The following OSTC variants were observed in gnomAD, a reference collection of about 807,000 sequenced individuals.
The protein encoded by OSTC is oligosaccharyltransferase complex non-catalytic subunit.
OSTC carries 16 observed loss-of-function variants against 16.4 expected under a neutral mutation model. The ratio of observed to expected loss-of-function variants is 0.98; its 90% CI spans 0.66 to 1.49. The LOEUF (loss-of-function observed/expected upper bound fraction) is 1.49, where lower values mean the gene tolerates loss of function less well. Ranked by LOEUF, OSTC falls within the 40% of genes most tolerant of loss-of-function variation. The probability of loss-of-function intolerance (pLI) is 0.00; values close to 1 mark genes in which losing one functional copy is unlikely to be tolerated. For synonymous variants in OSTC, 67 were observed against 68.5 expected (o/e 0.98, Z 0.11); for missense variants, 139 against 186.3 (o/e 0.75, Z 1.48).
intron 1 of OSTC, 25 bp downstream of exon 1, chr4:108,650,819 A>C (rs760979767): frequency 6.2e-7 from 1 of 1,613,674 alleles, no homozygotes; most frequent in Non-Finnish European, 8.5e-7. Flanking sequence ...CGGGCCCGAG[A>C]GGCTGAGGAG....
At chr4:108,660,844 A>G (rs929219910) in intron 3 of OSTC, among the ~76,000 whole-genome samples, 2 of 152,194 alleles carry the variant, frequency 1.3e-5, no homozygotes, top group Admixed American at 6.5e-5. Context: ...GAAAGACCTG[A>G]TGTTTCCCCT....
At chr4:108,651,169 T>C (rs1423844633) in intron 1 of OSTC, 1 of 221,344 alleles carries the variant, frequency 4.5e-6, no homozygotes, top group Non-Finnish European at 9.2e-6. Flanking sequence ...GTTGGTTGTT[T>C]GATAAAGGTC....
chr4:108,653,264 A>G (rs1726603716), intron 1 of OSTC, among the ~76,000 whole-genome samples: 1 of 152,230 alleles, frequency 6.6e-6, no homozygotes, highest in South Asian at 2.1e-4. Context: ...GGTTATAAAT[A>G]CAGTGAAAGA....
chr4:108,661,764 AT>A (rs1383173361), intron 3 of OSTC, among the ~76,000 whole-genome samples: 1 of 152,010 alleles, frequency 6.6e-6, no homozygotes, highest in Non-Finnish European at 1.5e-5. Context: ...TGCCAGGCTA[AT>A]TTTTGTATTT....
At chr4:108,657,139 T>A (rs1269302273) in intron 2 of OSTC, among the ~76,000 whole-genome samples, 1 of 152,146 alleles carries the variant, frequency 6.6e-6, no homozygotes, top group Non-Finnish European at 1.5e-5. Context: ...TTATTTTACA[T>A]AAACAGTTGT....
chr4:108,665,182 A>G (rs926950110), intron 3 of OSTC, among the ~76,000 whole-genome samples: 2 of 152,210 alleles, frequency 1.3e-5, no homozygotes, highest in African/African-American at 2.4e-5. Flanking sequence ...CAGTATTGTC[A>G]AGTAGTTTTT....
intron 3 of OSTC, among the ~76,000 whole-genome samples, chr4:108,664,363 A>G (rs935093686): frequency 2.0e-5 from 3 of 152,126 alleles, no homozygotes; most frequent in African/African-American, 7.2e-5. Flanking sequence ...GTTACTCCTA[A>G]TGAGTCTTTA....
At chr4:108,657,948 G>A (rs1379754246) in intron 3 of OSTC, among the ~76,000 whole-genome samples, 1 of 34,968 alleles carries the variant, frequency 2.9e-5, no homozygotes, top group East Asian at 6.9e-4. Flanking sequence ...TTTTTTTTTT[G>A]AGACGGAGTT....
At chr4:108,662,914 T>C (rs1379188314) in intron 3 of OSTC, among the ~76,000 whole-genome samples, 1 of 152,160 alleles carries the variant, frequency 6.6e-6, no homozygotes, top group Non-Finnish European at 1.5e-5. Flanking sequence ...GAGGACAATG[T>C]GTAGTAGAGA....
intron 3 of OSTC, 122 bp from the exon 4 acceptor site, chr4:108,667,125 T>C: frequency 2.8e-6 from 2 of 723,138 alleles, no homozygotes; most frequent in Non-Finnish European, 4.5e-6. Context: ...CACGCAATTA[T>C]ATTTTTGGAT....
rs1458219881 is a variant in OSTC, at chr4:108,655,616, T to G, written c.192T>G (p.Asp64Glu). 5 of 1,610,386 alleles carry G rather than the reference T, an allele frequency of 3.1e-6. No individual in the cohort carries two copies. The highest frequency in any genetic ancestry group is 4.2e-6 in the Non-Finnish European group (5 of 1,176,806). ...CTCCAAGTGTCGGTTCTATGACTGA[T>G]GAACATGGGCATCAGAGGCCAGTAG... The part of the protein sequence containing the change: ...VEPPSVGSMT[D>E]EHGHQRPVAF... The change falls in exon 2 of 4, where the codon GAT becomes GAG. Residue 64 changes from aspartate (D) to glutamate (E), a missense_variant. Coordinates refer to ENST00000361564, the MANE Select transcript of OSTC (RefSeq NM_021227.4).
chr4:108,656,546 A>T (rs1300132454), intron 2 of OSTC, among the ~76,000 whole-genome samples: 1 of 150,902 alleles, frequency 6.6e-6, no homozygotes, highest in Non-Finnish European at 1.5e-5. Flanking sequence ...TCCTTGAACT[A>T]TGAGAATTTG....
In OSTC at chr4:108,661,414, C is replaced by T. The variant is rs575840871; in HGVS notation, c.431+3767C>T. Among the ~76,000 whole-genome samples the T allele has an allele frequency of 5.9e-5, 9 of 152,002 alleles. No individual in the cohort carries two copies. In the South Asian group the frequency reaches 8.3e-4, roughly 14 times the overall value. Reference sequence around the variant, plus strand: ...ATGTATGTGAAATCATGTATGTATGCGTCTGTATGTTCACTGCATTTTAAA... The same window carrying T: ...ATGTATGTGAAATCATGTATGTATGTGTCTGTATGTTCACTGCATTTTAAA... On this transcript the variant is annotated intron_variant, in intron 3 of 3. Transcript: ENST00000361564.
At chr4:108,657,423 T>C in intron 2 of OSTC, 27 bp from the exon 3 acceptor site, 2 of 1,570,946 alleles carry the variant, frequency 1.3e-6, no homozygotes, top group Non-Finnish European at 1.7e-6. Context: ...TTTGTTATCT[T>C]TCTATGGTCA....
At chr4:108,661,684 G>A (rs1242625894) in intron 3 of OSTC, among the ~76,000 whole-genome samples, 7 of 152,020 alleles carry the variant, frequency 4.6e-5, no homozygotes, top group South Asian at 4.1e-4. Context: ...TGCTACCTCC[G>A]CCTCCCAGGT....
chr4:108,665,750 G>T (rs775577225), intron 3 of OSTC, among the ~76,000 whole-genome samples: 5 of 151,684 alleles, frequency 3.3e-5, no homozygotes, highest in Admixed American at 6.6e-5. Context: ...AGTAGAGGTG[G>T]GTTTTCACCA....
chr4:108,667,312 A>G lies in OSTC; in HGVS notation c.*47A>G, dbSNP rs767742224. On this transcript the variant is annotated 3_prime_UTR_variant, in exon 4 of 4. Transcript: ENST00000361564. ...GTGGATACTGGATTTGCTCCTGTCAATGAAGTTTTAAAGGCTGTACCAATC... is the reference window on the plus strand; with the variant it reads ...GTGGATACTGGATTTGCTCCTGTCAGTGAAGTTTTAAAGGCTGTACCAATC... 5.1e-6 allele frequency: 8 copies of G among 1,559,480 alleles called. No homozygotes were observed. Among genetic ancestry groups the G allele is most frequent in the Non-Finnish European group, 3.5e-6 (4 of 1,136,196 alleles).
At chr4:108,666,526 A>G (rs754961875) in intron 3 of OSTC, among the ~76,000 whole-genome samples, 12 of 152,020 alleles carry the variant, frequency 7.9e-5, no homozygotes, top group Non-Finnish European at 1.3e-4. Flanking sequence ...CCTGGCCAAG[A>G]TGGTGAAACC....
Position 108,657,503 on chromosome 4 carries a change from T to C in OSTC, c.287T>C (p.Met96Thr). Residue 96 changes from methionine to threonine, a missense_variant, in exon 3 of 4, where the codon ATG (methionine) becomes ACG (threonine). By Grantham distance (81) the Met-to-Thr change is moderately conservative. Transcript: ENST00000361564. ...CTTGCATCCAGCTTCCTATTTACAA[T>C]GGGAGGTTTAGGTTTCATAATCCTG... ...EGLASSFLFT[M>T]GGLGFIILDR... is the part of the protein sequence containing the mutation. The C allele has an allele frequency of 6.2e-7, 1 of 1,613,722 alleles. No individual in the cohort carries two copies. The highest frequency in any genetic ancestry group is 1.3e-5 in the African/African-American group (1 of 75,028).
Sources: allele counts gnomAD v4.1 joint callset (sites outside exome capture counted in the v4.1 genomes callset), GRCh38; gene constraint gnomAD v4.1.1; transcripts MANE v1.5; gene names NCBI Gene and HGNC (gene_info 2026-07-23, HGNC 2026-07-21).